Variants in USH2A observed in about 807,000 individuals in gnomAD.
The protein encoded by USH2A is Usher syndrome 2A (autosomal recessive, mild).
A neutral mutation model predicts 538.9 loss-of-function variants in USH2A; 443 were observed. The observed-to-expected ratio is 0.82, with a 90% CI of 0.76 to 0.89. The LOEUF (loss-of-function observed/expected upper bound fraction) is 0.89, where lower values mean the gene tolerates loss of function less well. Among genes scored for constraint, USH2A ranks in the 40% least tolerant of loss-of-function variants. The pLI, the probability that USH2A is intolerant of heterozygous loss-of-function variation, is 0.00. For missense variants in USH2A, 6,633 were observed against 6,324.8 expected (o/e 1.05, Z -1.65); for synonymous variants, 2,413 against 2,273.5 (o/e 1.06, Z -1.75).
At chr1:215,727,920 T>G in intron 61 of USH2A, 110 bp downstream of exon 61, 1 of 1,285,216 alleles carries the variant, frequency 7.8e-7, no homozygotes, top group Non-Finnish European at 1.1e-6. Context: ...TGAAAGATTT[T>G]CATATATTTA....
chr1:216,071,843 A>G (rs1394118478), intron 29 of USH2A, among the ~76,000 whole-genome samples: 2 of 152,238 alleles, frequency 1.3e-5, no homozygotes, highest in Non-Finnish European at 2.9e-5. Context: ...GAAGTTGAAA[A>G]GAATTTTAAG....
At chr1:216,268,303 A>T (rs1213551986) in intron 11 of USH2A, among the ~76,000 whole-genome samples, 9 of 152,104 alleles carry the variant, frequency 5.9e-5, no homozygotes, top group African/African-American at 2.4e-5. Context: ...AGAATTAACT[A>T]TACTCTGAAC....
intron 40 of USH2A, among the ~76,000 whole-genome samples, chr1:215,898,144 C>T (rs1453889882): frequency 2.6e-5 from 4 of 152,162 alleles, no homozygotes; most frequent in Admixed American, 1.3e-4. Context: ...AGTGTATACA[C>T]AAAGCAGAGG....
chr1:216,122,585 A>G lies in USH2A; in HGVS notation c.4628-25372T>C, dbSNP rs566681511. On this transcript the variant is annotated intron_variant, in intron 21 of 71. Transcript: ENST00000307340. ...AAGAACATAAAGAGAGTCAATCACCAGAACCAAGAGAGAAAATGGGAGTGG... is the reference window on the plus strand; with the variant it reads ...AAGAACATAAAGAGAGTCAATCACCGGAACCAAGAGAGAAAATGGGAGTGG... Among the ~76,000 whole-genome samples, 3 of 152,328 alleles carry G rather than the reference A, an allele frequency of 2.0e-5. No individual in the cohort carries two copies. The East Asian group carries it at 5.8e-4, about 29-fold the overall frequency.
intron 44 of USH2A, among the ~76,000 whole-genome samples, 186 bp from the exon 45 acceptor site, chr1:215,846,219 T>C (rs1663843072): frequency 6.6e-6 from 1 of 152,170 alleles, no homozygotes; most frequent in Non-Finnish European, 1.5e-5. Flanking sequence ...TTTATTTTAT[T>C]TATTTATTTT....
intron 3 of USH2A, among the ~76,000 whole-genome samples, chr1:216,385,990 C>A (rs1317636698): frequency 2.0e-5 from 3 of 152,164 alleles, no homozygotes; most frequent in Non-Finnish European, 2.9e-5. Flanking sequence ...TCAGCAGCTC[C>A]TATTTATTAT....
intron 58 of USH2A, among the ~76,000 whole-genome samples, chr1:215,744,868 G>C (rs1237581133): frequency 6.6e-6 from 1 of 152,162 alleles, no homozygotes; most frequent in East Asian, 1.9e-4. Flanking sequence ...GAGCATCATG[G>C]CTAAACTATC....
At chr1:215,881,166 C>T (rs946910946) in intron 41 of USH2A, among the ~76,000 whole-genome samples, 1 of 152,046 alleles carries the variant, frequency 6.6e-6, no homozygotes, top group Admixed American at 6.6e-5. Context: ...TTTAAGACAG[C>T]GTCTCACTCT....
chr1:216,010,647 T>C (rs1287733989), intron 32 of USH2A, among the ~76,000 whole-genome samples: 1 of 151,892 alleles, frequency 6.6e-6, no homozygotes, highest in East Asian at 1.9e-4. Context: ...GTTGCAGGTA[T>C]TGACGGCCAG....
chr1:216,122,156 G>A (rs2033150309), intron 21 of USH2A, among the ~76,000 whole-genome samples: 2 of 152,136 alleles, frequency 1.3e-5, no homozygotes, highest in Admixed American at 1.3e-4. Context: ...TAGCACATCA[G>A]ATCTGTTATG....
At position 215,817,196 on chromosome 1, in the gene USH2A, C is replaced by T. The variant is rs1558111861; in HGVS notation, c.9372-1G>A. ...AGACACCCAATCAATTTGAAGAGAT[C>T]TGCAACAGAGAGAATAATCAATACT... On this transcript the variant is annotated splice_acceptor_variant, in intron 47 of 71. Coordinates refer to ENST00000307340, the MANE Select transcript of USH2A (RefSeq NM_206933.4). LOFTEE classifies it high-confidence loss of function. 6.2e-7 allele frequency: 1 copy of T among 1,611,452 alleles called. No individual in the cohort carries two copies. The highest frequency in any genetic ancestry group is 1.3e-5 in the African/African-American group (1 of 74,748).
chr1:215,871,558 T>C (rs576124033), intron 43 of USH2A, among the ~76,000 whole-genome samples: 16 of 152,338 alleles, frequency 1.1e-4, no homozygotes, highest in African/African-American at 3.8e-4. Flanking sequence ...ATTATATTGC[T>C]TTTTCATATT....
In USH2A at chr1:216,288,736, A is replaced by G. The variant is rs1280757139; in HGVS notation, c.1971+544T>C. ...TGCTTGAGGTAGGATACATGAACTG[A>G]GGTTAGTTAGAATCTGTGTGCATGT... On this transcript the variant is annotated intron_variant, in intron 11 of 71. Coordinates refer to ENST00000307340, the MANE Select transcript of USH2A (RefSeq NM_206933.4). 2.0e-5 allele frequency among the ~76,000 whole-genome samples: 3 copies of G among 152,276 alleles called. No homozygotes were observed. The East Asian group carries it at 5.8e-4, about 29-fold the overall frequency.
At chr1:215,713,070 G>A (rs1476575653) in intron 61 of USH2A, among the ~76,000 whole-genome samples, 2 of 152,166 alleles carry the variant, frequency 1.3e-5, no homozygotes, top group East Asian at 1.9e-4. Flanking sequence ...GCTTCCCAAA[G>A]TGCTGGGATT....
At position 215,674,693 on chromosome 1, in the gene USH2A, C is replaced by G. The variant is rs776341360; in HGVS notation, c.13218G>C (p.Leu4406=). ...KESLAGQGLC[L]LVSHLQPYSQ... is the part of the protein sequence containing the mutation. Reference sequence around the variant, plus strand: ...AGTAAGGCTGCAGGTGGGAAACCAGCAGGCACAGGCCCTGGCCAGCAAGGG... The same window carrying G: ...AGTAAGGCTGCAGGTGGGAAACCAGGAGGCACAGGCCCTGGCCAGCAAGGG... Residue 4406 remains leucine, a synonymous_variant, in exon 63 of 72, where the codon CTG becomes CTC. Coordinates refer to ENST00000307340, the MANE Select transcript of USH2A (RefSeq NM_206933.4). 3 of 1,614,072 alleles carry G rather than the reference C, an allele frequency of 1.9e-6. No individual in the cohort carries two copies. The highest frequency in any genetic ancestry group is 2.5e-6 in the Non-Finnish European group (3 of 1,180,010).
At chr1:215,786,910 A>G (rs1286548569) in intron 51 of USH2A, 36 bp from the exon 52 acceptor site, 1 of 1,603,574 alleles carries the variant, frequency 6.2e-7, no homozygotes, top group Admixed American at 1.7e-5. Context: ...AGAGAGGGGT[A>G]TTTAAAAATT....
At chr1:215,994,796 C>T (rs549557033) in intron 34 of USH2A, among the ~76,000 whole-genome samples, 8 of 151,994 alleles carry the variant, frequency 5.3e-5, no homozygotes, top group South Asian at 2.1e-4. Context: ...AATTGCCCAA[C>T]GATTAAAATA....
intron 38 of USH2A, among the ~76,000 whole-genome samples, chr1:215,906,652 T>A (rs142982394): frequency 0.011 from 1,705 of 152,098 alleles, 17 homozygotes; most frequent in South Asian, 0.024. Context: ...AAACAGTACC[T>A]CCCGGTCTTA....
chr1:215,650,594 C>G lies in USH2A; in HGVS notation c.14341G>C (p.Val4781Leu). The change falls in exon 65 of 72, where the codon GTG (valine) becomes CTG (leucine). Residue 4781 changes from valine (V) to leucine (L), a missense_variant and splice_region_variant. Physicochemically the swap from Val to Leu is conservative, Grantham distance 32. Coordinates refer to ENST00000307340, the MANE Select transcript of USH2A (RefSeq NM_206933.4). Reference sequence around the variant, plus strand: ...GGATTTTTAGCTCTGCTGCTCACCACTGTCTCAGCCCCATGGGCGCTGCTG... The same window carrying G: ...GGATTTTTAGCTCTGCTGCTCACCAGTGTCTCAGCCCCATGGGCGCTGCTG... Reference protein sequence around the residue: ...FSSSAHGAETVLSEGMATQQT... With the variant: ...FSSSAHGAETLLSEGMATQQT... 6.2e-7 allele frequency: 1 copy of G among 1,614,212 alleles called. No individual in the cohort carries two copies. The highest frequency in any genetic ancestry group is 8.5e-7 in the Non-Finnish European group (1 of 1,180,036).
Sources: gnomAD v4.1 joint callset for allele counts (sites outside exome capture counted in the v4.1 genomes callset) on GRCh38, gnomAD v4.1.1 for gene constraint, MANE v1.5 for transcripts, NCBI Gene and HGNC (gene_info 2026-07-23, HGNC 2026-07-21) for gene names.